Variants in LINGO2 observed in about 807,000 individuals in gnomAD.
LINGO2 encodes the protein leucine-rich repeat and immunoglobulin-like domain-containing nogo receptor-interacting protein 2.
A neutral mutation model predicts 30.6 loss-of-function variants in LINGO2; 14 were observed. The ratio of observed to expected loss-of-function variants is 0.46; its 90% CI spans 0.30 to 0.72. The LOEUF (loss-of-function observed/expected upper bound fraction) is 0.72, where lower values mean the gene tolerates loss of function less well. LINGO2 is among the 30% of genes least tolerant of loss of function. The pLI, the probability that LINGO2 is intolerant of heterozygous loss-of-function variation, is 0.07. For missense variants in LINGO2, 729 were observed against 751.7 expected, an observed-to-expected ratio of 0.97 and a Z score of 0.35; for synonymous variants, 317 against 288.5, an observed-to-expected ratio of 1.10 and a Z score of -1.00.
At chr9:28,966,026 T>G in the LINGO2 span, among the ~76,000 whole-genome samples, 6 of 152,158 alleles carry the variant, frequency 3.9e-5, no homozygotes, top group Admixed American at 1.3e-4. Flanking sequence ...TCCACAGACC[T>G]ATTGATTTAG....
chr9:28,104,747 C>A (rs1380575236), intron 4 of LINGO2, among the ~76,000 whole-genome samples: 1 of 152,094 alleles, frequency 6.6e-6, no homozygotes, highest in Non-Finnish European at 1.5e-5. Context: ...CCCTTGTTAA[C>A]ACTGATGTGC....
chr9:28,936,811 T>C, the LINGO2 span, among the ~76,000 whole-genome samples: 4 of 152,186 alleles, frequency 2.6e-5, no homozygotes, highest in Non-Finnish European at 4.4e-5. Flanking sequence ...GGTATAACGA[T>C]ATATCACAGA....
At chr9:27,942,610 T>A in the LINGO2 span, 1 of 152,130 alleles carries the variant, frequency 6.6e-6, no homozygotes, top group Admixed American at 6.5e-5. Flanking sequence ...TTTCAGGCAT[T>A]TTTTACGAAA....
At chr9:28,705,693 AG>A in the LINGO2 span, among the ~76,000 whole-genome samples, 2 of 152,234 alleles carry the variant, frequency 1.3e-5, no homozygotes, top group South Asian at 2.1e-4. Context: ...CAAAAGTGTG[AG>A]GGCCCCAGTA....
chr9:28,180,497 G>A (rs1828881648), intron 4 of LINGO2, among the ~76,000 whole-genome samples: 1 of 152,104 alleles, frequency 6.6e-6, no homozygotes, highest in Non-Finnish European at 1.5e-5. Flanking sequence ...GAAGAGTGAG[G>A]CAAGTTTCTT....
At chr9:28,254,767 A>C (rs187604355) in intron 4 of LINGO2, among the ~76,000 whole-genome samples, 2 of 152,130 alleles carry the variant, frequency 1.3e-5, no homozygotes, top group Non-Finnish European at 2.9e-5. Context: ...CAAATTTTTT[A>C]AAATTTAACT....
the LINGO2 span, among the ~76,000 whole-genome samples, chr9:28,692,276 A>G: frequency 6.6e-6 from 1 of 152,070 alleles, no homozygotes; most frequent in Admixed American, 6.6e-5. Flanking sequence ...CGAGCTTGAG[A>G]CCAGCTTGGC....
At chr9:28,567,694 T>C (rs1823452949) in intron 1 of LINGO2, among the ~76,000 whole-genome samples, 1 of 151,996 alleles carries the variant, frequency 6.6e-6, no homozygotes, top group African/African-American at 2.4e-5. Context: ...ACCTTTTCGG[T>C]ACTATGTTCC....
chr9:28,476,070 T>G (rs1259579524), intron 1 of LINGO2, 45 bp from the exon 4 acceptor site: 1 of 152,538 alleles, frequency 6.6e-6, no homozygotes, highest in Non-Finnish European at 1.5e-5. Flanking sequence ...ACTCGCTTGC[T>G]TCAAGAAGGA....
At chr9:27,938,084 G>C in the LINGO2 span, 25 of 152,124 alleles carry the variant, frequency 1.6e-4, no homozygotes, top group African/African-American at 5.3e-4. Context: ...ATAAATAACT[G>C]TTCCGCCACA....
At chr9:28,535,878 T>C (rs1040153787) in intron 1 of LINGO2, among the ~76,000 whole-genome samples, 2 of 152,192 alleles carry the variant, frequency 1.3e-5, no homozygotes, top group Non-Finnish European at 1.5e-5. Context: ...GAGGAGGATT[T>C]AAACTTTTCA....
At chr9:29,141,604 G>C in the LINGO2 span, among the ~76,000 whole-genome samples, 2 of 151,766 alleles carry the variant, frequency 1.3e-5, no homozygotes, top group Non-Finnish European at 3.0e-5. Context: ...AAGATTTATA[G>C]AGTAGATGAA....
chr9:28,282,683 C>T (rs1047858704), intron 4 of LINGO2, among the ~76,000 whole-genome samples: 2 of 151,974 alleles, frequency 1.3e-5, no homozygotes, highest in African/African-American at 4.8e-5. Context: ...TCAACTATGC[C>T]CTGGAGATGT....
the LINGO2 span, among the ~76,000 whole-genome samples, chr9:28,783,922 T>A: frequency 6.6e-6 from 1 of 152,174 alleles, no homozygotes; most frequent in South Asian, 2.1e-4. Flanking sequence ...CATCCTTATG[T>A]AGTGGAAAGA....
At chr9:28,296,526 T>C (rs955103162) in intron 3 of LINGO2, among the ~76,000 whole-genome samples, 2 of 152,164 alleles carry the variant, frequency 1.3e-5, no homozygotes, top group African/African-American at 2.4e-5. Flanking sequence ...CTCATGCACC[T>C]GTGATTAGAG....
rs141017478 is a variant in LINGO2 at position 28,281,071 on chromosome 9, T to C, written c.-87+14137A>G. Among the ~76,000 whole-genome samples the C allele has an allele frequency of 2.0e-5, 3 of 152,238 alleles. No individual in the cohort carries two copies. In the East Asian group the frequency reaches 5.8e-4, roughly 29 times the overall value. On this transcript the variant is annotated intron_variant, in intron 4 of 5. Transcript: ENST00000379992. Reference sequence around the variant, plus strand: ...AACATCTGGTCAGATATGCAAACTTTGAAAATTAGCTGCTTTAATTTCTTT... The same window carrying C: ...AACATCTGGTCAGATATGCAAACTTCGAAAATTAGCTGCTTTAATTTCTTT...
chr9:29,039,770 T>C, the LINGO2 span, among the ~76,000 whole-genome samples: 2 of 152,138 alleles, frequency 1.3e-5, no homozygotes, highest in Admixed American at 1.3e-4. Flanking sequence ...TGGCTGCTGC[T>C]GACTGAGGTG....
At chr9:29,200,050 T>C in the LINGO2 span, among the ~76,000 whole-genome samples, 2 of 152,070 alleles carry the variant, frequency 1.3e-5, no homozygotes, top group East Asian at 1.9e-4. Context: ...AGCATTAAGA[T>C]AAAAAGCTAT....
chr9:28,832,328 T>C, the LINGO2 span, among the ~76,000 whole-genome samples: 1 of 152,194 alleles, frequency 6.6e-6, no homozygotes. Context: ...TTCCTAAACA[T>C]GCTTTTACAA....
Sources: gnomAD v4.1 joint callset for allele counts (sites outside exome capture counted in the v4.1 genomes callset) on GRCh38, gnomAD v4.1.1 for gene constraint, MANE v1.5 for transcripts, NCBI Gene and HGNC (gene_info 2026-07-23, HGNC 2026-07-21) for gene names.